Variants in ZNF516 observed in about 807,000 individuals in gnomAD.
The protein encoded by ZNF516 is zinc finger protein 516.
In ZNF516, 19 loss-of-function variants were observed where a neutral mutation model predicts 79.7. That is an observed-to-expected ratio of 0.24 (90% CI 0.17 to 0.35). The LOEUF is 0.35. Ranked by LOEUF, ZNF516 falls within the 10% of genes least tolerant of loss-of-function variation. The pLI is 1.00. For missense variants in ZNF516, 1,678 were observed against 1,679.5 expected (o/e 1.00, Z 0.02); for synonymous variants, 877 against 739.5 (o/e 1.19, Z -3.02).
Position 76,442,401 on chromosome 18 carries a change from G to A in ZNF516, c.654C>T (p.His218=), listed in dbSNP as rs1911738865. ...GCGCGGTGATGTGGTCCCTCTCGATGTGGCTCAGCAGCGACTCCTCCCGCA... is the reference window on the plus strand; with the variant it reads ...GCGCGGTGATGTGGTCCCTCTCGATATGGCTCAGCAGCGACTCCTCCCGCA... ...ATLREESLLS[H]IERDHITAQG... is the part of the protein sequence containing the mutation. Residue 218 remains histidine (H), a synonymous_variant, in exon 3 of 7, where the codon CAC becomes CAT. Transcript: ENST00000443185. 6.2e-7 allele frequency: 1 copy of A among 1,608,102 alleles called. No homozygotes were observed. The highest frequency in any genetic ancestry group is 1.1e-5 in the South Asian group (1 of 91,072).
At chr18:76,384,379 C>CCTCCCT (rs2074946041) in intron 3 of ZNF516, among the ~76,000 whole-genome samples, 1 of 134,558 alleles carries the variant, frequency 7.4e-6, no homozygotes, top group African/African-American at 2.9e-5. Context: ...TTCCGACACC[C>CCTCCCT]CCACCACGGG....
At chr18:76,428,834 T>C (rs531228682) in intron 3 of ZNF516, among the ~76,000 whole-genome samples, 1 of 152,262 alleles carries the variant, frequency 6.6e-6, no homozygotes, top group Non-Finnish European at 1.5e-5. Flanking sequence ...TTCTTTGCAA[T>C]GTGCAGGTGT....
At chr18:76,406,808 A>G (rs1210063098) in intron 3 of ZNF516, among the ~76,000 whole-genome samples, 1 of 152,156 alleles carries the variant, frequency 6.6e-6, no homozygotes, top group Non-Finnish European at 1.5e-5. Flanking sequence ...GAATCCACTG[A>G]CGGCCCAGGA....
At chr18:76,492,869 A>G (rs1164750424) in intron 1 of ZNF516, 1 of 985,658 alleles carries the variant, frequency 1.0e-6, no homozygotes, top group Non-Finnish European at 1.2e-6. Flanking sequence ...TGACTCGAAT[A>G]AAAGCGTGTC....
intron 3 of ZNF516, among the ~76,000 whole-genome samples, chr18:76,423,888 C>A (rs2075549009): frequency 8.7e-6 from 1 of 114,926 alleles, no homozygotes. Context: ...AAAGGTTCCC[C>A]CGAAACACAC....
intron 3 of ZNF516, among the ~76,000 whole-genome samples, chr18:76,401,488 T>G (rs965903587): frequency 6.6e-6 from 1 of 152,088 alleles, no homozygotes; most frequent in East Asian, 1.9e-4. Context: ...AGTAAGCTGT[T>G]TTCCATCAAG....
chr18:76,461,785 G>A (rs889102935), intron 2 of ZNF516, among the ~76,000 whole-genome samples: 10 of 152,232 alleles, frequency 6.6e-5, no homozygotes, highest in Non-Finnish European at 1.5e-4. Flanking sequence ...GAGGCTTGTC[G>A]CCAACAGGCG....
At position 76,467,805 on chromosome 18, in the gene ZNF516, T is replaced by C. The variant is rs12953604; in HGVS notation, c.-271-4664A>G. 1.3e-5 allele frequency among the ~76,000 whole-genome samples: 2 copies of C among 152,158 alleles called. No individual in the cohort carries two copies. Among genetic ancestry groups the C allele is most frequent in the African/African-American group, 4.8e-5 (2 of 41,392 alleles). ...CGATTCCTGAGTTATTTTTACCAAATAAATTCAAGTCCAGTTATCGAATAA... is the reference window on the plus strand; with the variant it reads ...CGATTCCTGAGTTATTTTTACCAAACAAATTCAAGTCCAGTTATCGAATAA... On this transcript the variant is annotated intron_variant, in intron 1 of 6. Coordinates refer to ENST00000443185, the MANE Select transcript of ZNF516 (RefSeq NM_014643.4). This position sits in a 1 kb window ranked among gnomAD's most constrained non-coding sequence, Gnocchi z 4.2.
chr18:76,459,587 C>T lies in ZNF516; in HGVS notation c.-158+3441G>A, dbSNP rs1254626713. ...GCACTGTCTGCCATGATGCCAACAG[C>T]AACACTTCTCAACACCAAGCCTTTA... On this transcript the variant is annotated intron_variant, in intron 2 of 6. Coordinates refer to ENST00000443185, the MANE Select transcript of ZNF516 (RefSeq NM_014643.4). The surrounding 1 kb of genome is among the most constrained non-coding windows in gnomAD (Gnocchi z 5.0). Among the ~76,000 whole-genome samples, 1 of 152,212 alleles carries T rather than the reference C, an allele frequency of 6.6e-6. No homozygotes were observed. Among genetic ancestry groups the T allele is most frequent in the East Asian group, 1.9e-4 (1 of 5,188 alleles).
At chr18:76,378,802 G>A (rs1599146020) in intron 4 of ZNF516, 53 bp downstream of exon 4, 33 of 1,571,000 alleles carry the variant, frequency 2.1e-5, no homozygotes, top group East Asian at 4.5e-5. Flanking sequence ...CCCTCCGGGG[G>A]TGGTTCTGGG....
Position 76,422,221 on chromosome 18 carries a change from G to A in ZNF516, c.1810+19024C>T, listed in dbSNP as rs1256247734. On this transcript the variant is annotated intron_variant, in intron 3 of 6. Transcript: ENST00000443185. ...GACACAGTAAACTGTTCCTGGAAAG[G>A]GCCCTGACCCAGCAAACCAGGAGAC... 3.9e-5 allele frequency among the ~76,000 whole-genome samples: 6 copies of A among 152,042 alleles called. No individual in the cohort carries two copies. In the East Asian group the frequency reaches 1.2e-3, roughly 30 times the overall value.
At chr18:76,436,644 A>AG (rs1333277634) in intron 3 of ZNF516, among the ~76,000 whole-genome samples, 1 of 152,178 alleles carries the variant, frequency 6.6e-6, no homozygotes, top group Non-Finnish European at 1.5e-5. Context: ...GCTTAGAAGA[A>AG]GTACCATATA....
At chr18:76,429,525 A>C (rs1451227537) in intron 3 of ZNF516, among the ~76,000 whole-genome samples, 1 of 152,136 alleles carries the variant, frequency 6.6e-6, no homozygotes, top group East Asian at 1.9e-4. Flanking sequence ...CCCACAGTGA[A>C]GGAAGACGAT....
chr18:76,387,313 C>G (rs184300063), intron 3 of ZNF516: 3 of 152,248 alleles, frequency 2.0e-5, no homozygotes, highest in African/African-American at 4.8e-5. Context: ...ATGATTCTTA[C>G]GTGCCTTACA....
At chr18:76,436,608 C>T (rs1252075184) in intron 3 of ZNF516, among the ~76,000 whole-genome samples, 1 of 152,128 alleles carries the variant, frequency 6.6e-6, no homozygotes, top group Non-Finnish European at 1.5e-5. Context: ...ATTGTGAGAG[C>T]TCCTCCTGCT....
chr18:76,456,454 A>G (rs1287667463), intron 2 of ZNF516, among the ~76,000 whole-genome samples: 2 of 152,210 alleles, frequency 1.3e-5, no homozygotes, highest in Admixed American at 6.5e-5. Context: ...TAGTGTGTTA[A>G]AAGTCGGCTC....
chr18:76,441,096 A>G, intron 3 of ZNF516, 149 bp downstream of exon 3: 1 of 1,217,022 alleles, frequency 8.2e-7, no homozygotes, highest in Non-Finnish European at 1.1e-6. Flanking sequence ...CCTGAGTCCC[A>G]GGGTTACCTG....
At chr18:76,419,450 T>C (rs989710467) in intron 3 of ZNF516, among the ~76,000 whole-genome samples, 1 of 152,248 alleles carries the variant, frequency 6.6e-6, no homozygotes, top group Non-Finnish European at 1.5e-5. Context: ...AACGATTAAA[T>C]TGCACGTAAT....
Position 76,480,958 on chromosome 18 carries a change from C to T in ZNF516, c.-272+14186G>A, listed in dbSNP as rs75615626. Among the ~76,000 whole-genome samples the T allele has an allele frequency of 5.1e-3, 782 of 152,368 alleles. 3 individuals carry two copies. Among genetic ancestry groups the T allele is most frequent in the African/African-American group, 0.017 (720 of 41,582 alleles). Reference sequence around the variant, plus strand: ...TTCCCTGCCAGGCTGCCTCGGGCTGCTCTCAAGCTGTGAGGCAGGTCTATC... The same window carrying T: ...TTCCCTGCCAGGCTGCCTCGGGCTGTTCTCAAGCTGTGAGGCAGGTCTATC... On this transcript the variant is annotated intron_variant, in intron 1 of 6. Transcript: ENST00000443185.
Sources: allele counts gnomAD v4.1 joint callset (sites outside exome capture counted in the v4.1 genomes callset), GRCh38; gene constraint gnomAD v4.1.1; non-coding constraint Gnocchi (gnomAD v3.1); transcripts MANE v1.5; gene names NCBI Gene and HGNC (gene_info 2026-07-23, HGNC 2026-07-21).